The following TBC1D5 variants were observed in gnomAD, a reference collection of about 807,000 sequenced individuals.
TBC1D5 encodes the protein TBC1 domain family member 5, also known as TBC1 domain family, member 5.
In TBC1D5, 75 loss-of-function variants were observed where a neutral mutation model predicts 100.3. That is an observed-to-expected ratio of 0.75 (90% CI 0.62 to 0.91). The LOEUF (loss-of-function observed/expected upper bound fraction) is 0.91, where lower values mean the gene tolerates loss of function less well. TBC1D5 is among the 40% of genes least tolerant of loss of function. The pLI is 0.00. For missense variants in TBC1D5, 910 were observed against 942.4 expected (o/e 0.97, Z 0.45); for synonymous variants, 323 against 325.6 (o/e 0.99, Z 0.09).
intron 21 of TBC1D5, among the ~76,000 whole-genome samples, chr3:17,165,513 G>T (rs1227496555): frequency 6.6e-6 from 1 of 152,222 alleles, no homozygotes; most frequent in Non-Finnish European, 1.5e-5. Context: ...CATTCATGTG[G>T]CTACAAATGC....
At chr3:17,665,043 A>AAAAAC (rs1457280460) in intron 1 of TBC1D5, 1 of 133,740 alleles carries the variant, frequency 7.5e-6, no homozygotes, top group African/African-American at 2.7e-5. Flanking sequence ...AAAAAAAAAA[A>AAAAAC]AAAAAAAAGG....
intron 17 of TBC1D5, among the ~76,000 whole-genome samples, chr3:17,224,625 G>T (rs902663395): frequency 4.6e-5 from 7 of 152,120 alleles, no homozygotes; most frequent in East Asian, 3.9e-4. Flanking sequence ...ATACATGAAG[G>T]TTATTATATT....
intron 1 of TBC1D5, among the ~76,000 whole-genome samples, chr3:17,650,197 C>T (rs2065409036): frequency 6.6e-6 from 1 of 151,934 alleles, no homozygotes; most frequent in African/African-American, 2.4e-5. Context: ...ATGTAGGTGA[C>T]GGGTTGATGG....
At chr3:17,699,008 C>A (rs1253713056) in intron 1 of TBC1D5, among the ~76,000 whole-genome samples, 179 of 150,738 alleles carry the variant, frequency 1.2e-3, no homozygotes, top group African/African-American at 3.4e-3. Flanking sequence ...ATCTAGAACT[C>A]GAAATACCAT....
chr3:17,518,750 C>A (rs925578521), intron 2 of TBC1D5, among the ~76,000 whole-genome samples: 1 of 152,232 alleles, frequency 6.6e-6, no homozygotes, highest in South Asian at 2.1e-4. Flanking sequence ...ACACTTAAGC[C>A]GTCTGCAAAG....
At chr3:17,565,624 C>A (rs962517739) in intron 2 of TBC1D5, among the ~76,000 whole-genome samples, 5 of 152,152 alleles carry the variant, frequency 3.3e-5, no homozygotes, top group Non-Finnish European at 7.4e-5. Context: ...GCCTCAGATA[C>A]AACAGCACAA....
intron 16 of TBC1D5, among the ~76,000 whole-genome samples, chr3:17,253,790 A>C (rs1050381138): frequency 2.0e-5 from 3 of 152,218 alleles, no homozygotes; most frequent in African/African-American, 7.2e-5. Context: ...TATGAGATGC[A>C]TGTATGTTAT....
intron 13 of TBC1D5, among the ~76,000 whole-genome samples, chr3:17,314,164 G>A (rs1215111575): frequency 1.3e-5 from 2 of 152,156 alleles, no homozygotes; most frequent in Non-Finnish European, 1.5e-5. Flanking sequence ...GTTAAGTTAC[G>A]GATGTTGTTT....
Position 17,345,048 on chromosome 3 carries a change from CA to C in TBC1D5, c.995+27026del, listed in dbSNP as rs549143350. ...TCTAAAACACCAAAAGCAATGGCAA[CA>C]AAAGCCAAAATTGACAAATGGGATC... On this transcript the variant is annotated intron_variant, in intron 13 of 21. Coordinates refer to ENST00000253692, the Ensembl canonical transcript of TBC1D5. Among the ~76,000 whole-genome samples the C allele has an allele frequency of 1.1e-4, 16 of 152,222 alleles. No individual in the cohort carries two copies. In the South Asian group the frequency reaches 3.1e-3, roughly 30 times the overall value.
chr3:17,657,866 T>C (rs1401947816), intron 1 of TBC1D5, among the ~76,000 whole-genome samples: 1 of 152,240 alleles, frequency 6.6e-6, no homozygotes, highest in Admixed American at 6.5e-5. Context: ...ATTTCACTAC[T>C]GAAAATTCAG....
chr3:17,673,689 C>T (rs1224708173), intron 1 of TBC1D5, among the ~76,000 whole-genome samples: 2 of 152,092 alleles, frequency 1.3e-5, no homozygotes, highest in Admixed American at 1.3e-4. Flanking sequence ...AAAGGTTTTA[C>T]AATATTCTTA....
At chr3:17,319,292 T>C (rs970097157) in intron 13 of TBC1D5, among the ~76,000 whole-genome samples, 5 of 152,232 alleles carry the variant, frequency 3.3e-5, no homozygotes, top group Admixed American at 1.3e-4. Context: ...AGTGCTGAGA[T>C]GCTCCAAATC....
intron 1 of TBC1D5, among the ~76,000 whole-genome samples, chr3:17,734,034 C>A (rs1340021581): frequency 1.3e-5 from 2 of 152,008 alleles, no homozygotes; most frequent in Admixed American, 1.3e-4. Flanking sequence ...TAAAGATGGG[C>A]AGATCTTTTG....
At chr3:17,329,854 T>A (rs928142555) in intron 13 of TBC1D5, among the ~76,000 whole-genome samples, 1 of 152,194 alleles carries the variant, frequency 6.6e-6, no homozygotes, top group Non-Finnish European at 1.5e-5. Context: ...TCCTCCTACC[T>A]TGCCAATATC....
chr3:17,696,358 C>T (rs1447465430), intron 1 of TBC1D5, among the ~76,000 whole-genome samples: 1 of 151,992 alleles, frequency 6.6e-6, no homozygotes, highest in South Asian at 2.1e-4. Context: ...GCTAGCAAGA[C>T]TAATAAAGAA....
At chr3:17,168,999 A>C (rs1379331357) in intron 19 of TBC1D5, among the ~76,000 whole-genome samples, 1 of 152,158 alleles carries the variant, frequency 6.6e-6, no homozygotes. Context: ...TCTTGCTCCA[A>C]ATCTATGCAC....
chr3:17,415,632 C>T (rs1282349733), intron 4 of TBC1D5, among the ~76,000 whole-genome samples: 2 of 151,900 alleles, frequency 1.3e-5, no homozygotes, highest in Non-Finnish European at 2.9e-5. Context: ...AAGCTTTTCA[C>T]TTTTAATTGT....
intron 3 of TBC1D5, among the ~76,000 whole-genome samples, chr3:17,476,540 A>C (rs1024406243): frequency 6.6e-6 from 1 of 150,604 alleles, no homozygotes; most frequent in African/African-American, 2.5e-5. Flanking sequence ...GTTATATAAA[A>C]TGTGCATGTT....
chr3:17,480,966 C>G (rs982967512), intron 3 of TBC1D5, among the ~76,000 whole-genome samples: 3 of 152,174 alleles, frequency 2.0e-5, no homozygotes, highest in African/African-American at 7.2e-5. Context: ...AACATGCTCC[C>G]CCACTGCTCA....
Sources: allele counts gnomAD v4.1 joint callset (sites outside exome capture counted in the v4.1 genomes callset), GRCh38; gene constraint gnomAD v4.1.1; transcripts MANE v1.5; gene names NCBI Gene and HGNC (gene_info 2026-07-23, HGNC 2026-07-21).